The following PPIH variants were observed in gnomAD, a reference collection of about 807,000 sequenced individuals.
PPIH encodes the protein peptidylprolyl isomerase H, also known as peptidyl-prolyl cis-trans isomerase H.
PPIH carries 16 observed loss-of-function variants against 27.6 expected under a neutral mutation model. That is an observed-to-expected ratio of 0.58 (90% CI 0.39 to 0.88). The LOEUF (loss-of-function observed/expected upper bound fraction) is 0.88. PPIH is among the 40% of genes least tolerant of loss of function. The pLI is 0.00. For missense variants in PPIH, 155 were observed against 224.1 expected (o/e 0.69, Z 1.97); for synonymous variants, 63 against 76.1 (o/e 0.83, Z 0.90).
intron 9 of PPIH, among the ~76,000 whole-genome samples, chr1:42,673,866 A>G (rs2148726966): frequency 6.6e-6 from 1 of 152,374 alleles, no homozygotes; most frequent in Non-Finnish European, 1.5e-5. Context: ...CCTGTGGATG[A>G]TAGATATTGT....
chr1:42,674,988 T>C (rs1039187149), intron 9 of PPIH, among the ~76,000 whole-genome samples: 9 of 152,232 alleles, frequency 5.9e-5, no homozygotes, highest in Non-Finnish European at 1.3e-4. Flanking sequence ...TGGAATACTA[T>C]ACAGCCTTAA....
At chr1:42,672,804 G>A (rs1273546129) in intron 9 of PPIH, among the ~76,000 whole-genome samples, 1 of 151,750 alleles carries the variant, frequency 6.6e-6, no homozygotes, top group Non-Finnish European at 1.5e-5. Context: ...GCTCCACCAC[G>A]TCTGGCTAAT....
Position 42,666,087 on chromosome 1 carries a change from C to G in PPIH, c.424+20C>G, listed in dbSNP as rs755196999. 3.7e-6 allele frequency: 6 copies of G among 1,609,230 alleles called. No individual in the cohort carries two copies. The highest frequency in any genetic ancestry group is 2.2e-5 in the East Asian group (1 of 44,848). ...TGTTTGGTAAGTCCTACTCCTGTCT[C>G]ATGGTCCAGGCCCCATTCACCCTGG... On this transcript the variant is annotated intron_variant, in intron 7 of 9. Coordinates refer to ENST00000304979, the MANE Select transcript of PPIH (RefSeq NM_006347.4).
chr1:42,659,104 T>C (rs1318109063), intron 2 of PPIH, 124 bp from the exon 3 acceptor site: 9 of 1,475,502 alleles, frequency 6.1e-6, no homozygotes, highest in Non-Finnish European at 2.8e-6. Flanking sequence ...TGACTGCGTG[T>C]CTGGACGTCT....
At position 42,664,929 on chromosome 1, in the gene PPIH, C is replaced by G; in HGVS notation, c.310C>G (p.His104Asp). The G allele has an allele frequency of 6.2e-7, 1 of 1,613,934 alleles. No individual in the cohort carries two copies. The highest frequency in any genetic ancestry group is 8.5e-7 in the Non-Finnish European group (1 of 1,179,914). The change falls in exon 6 of 10, where the codon CAC becomes GAC. Residue 104 changes from histidine to aspartate, a missense_variant. Coordinates refer to ENST00000304979, the MANE Select transcript of PPIH (RefSeq NM_006347.4). ...PFADENFKLR[H>D]SAPGLLSMAN... ...TGCAGATGAAAATTTTAAACTTAGA[C>G]ACTCAGCTCCAGGCCTGCTTTCCAT...
At chr1:42,680,686 G>A (rs1424180073), downstream of PPIH, among the ~76,000 whole-genome samples, 1 of 152,044 alleles carries the variant, frequency 6.6e-6, no homozygotes, top group Non-Finnish European at 1.5e-5. Context: ...CTATGCTAGG[G>A]GTCAGCCGAC....
chr1:42,670,534 C>G (rs990791994), intron 9 of PPIH, among the ~76,000 whole-genome samples: 1 of 152,030 alleles, frequency 6.6e-6, no homozygotes, highest in Non-Finnish European at 1.5e-5. Flanking sequence ...CGCTCTCCCC[C>G]ACTGTTAGCA....
chr1:42,658,520 C>T lies in PPIH; in HGVS notation c.66+8C>T, dbSNP rs1304729037. 3 of 1,613,084 alleles carry T rather than the reference C, an allele frequency of 1.9e-6. No individual in the cohort carries two copies. Among genetic ancestry groups the T allele is most frequent in the Non-Finnish European group, 1.7e-6 (2 of 1,179,054 alleles). On this transcript the variant is annotated splice_region_variant and intron_variant, in intron 1 of 9. Transcript: ENST00000304979. ...GTCAGTATTGGCGGTCAGGTGAGATCCAGGAGGCTGCCCACACCTGCGCCG... is the reference window on the plus strand; with the variant it reads ...GTCAGTATTGGCGGTCAGGTGAGATTCAGGAGGCTGCCCACACCTGCGCCG...
intron 9 of PPIH, among the ~76,000 whole-genome samples, chr1:42,671,885 CTTTT>C (rs373111692): frequency 7.1e-6 from 1 of 140,278 alleles, no homozygotes. Flanking sequence ...TTCTTTCTTT[CTTTT>C]TTTTTTTTTT....
chr1:42,658,653 G>A (rs773944786), intron 1 of PPIH, 141 bp downstream of exon 1: 7 of 1,162,364 alleles, frequency 6.0e-6, no homozygotes, highest in Non-Finnish European at 8.7e-6. Flanking sequence ...CTGCCGGGCG[G>A]GGGGAAAGGA....
chr1:42,664,396 C>G (rs779626158), intron 5 of PPIH, among the ~76,000 whole-genome samples: 31 of 152,158 alleles, frequency 2.0e-4, no homozygotes, highest in Non-Finnish European at 4.1e-4. Context: ...TTCCCTAGAT[C>G]AATCAACTAT....
downstream of PPIH, among the ~76,000 whole-genome samples, chr1:42,678,204 C>T (rs1478861131): frequency 5.9e-5 from 9 of 152,078 alleles, no homozygotes; most frequent in Admixed American, 2.6e-4. Context: ...AGCTGTGATC[C>T]GGAGTTGACA....
At chr1:42,658,810 A>G in intron 1 of PPIH, 34 bp from the exon 2 acceptor site, 1 of 1,612,224 alleles carries the variant, frequency 6.2e-7, no homozygotes, top group South Asian at 1.1e-5. Context: ...ATGGTCTTGG[A>G]CTGGGCCTTC....
At chr1:42,669,484 A>T (rs1351658315) in intron 9 of PPIH, among the ~76,000 whole-genome samples, 1 of 152,134 alleles carries the variant, frequency 6.6e-6, no homozygotes. Context: ...CTTGGTAGAG[A>T]TGGGGTTTCA....
At chr1:42,658,593 C>T in intron 1 of PPIH, 81 bp downstream of exon 1, 2 of 1,466,020 alleles carry the variant, frequency 1.4e-6, no homozygotes, top group Non-Finnish European at 1.9e-6. Context: ...CCAGAGAGAG[C>T]GGACTCGGGA....
At chr1:42,680,612 G>C (rs145040446), downstream of PPIH, among the ~76,000 whole-genome samples, 1 of 152,320 alleles carries the variant, frequency 6.6e-6, no homozygotes, top group East Asian at 1.9e-4. Flanking sequence ...TCTGGCTGTT[G>C]TGGTGGGTAA....
At chr1:42,677,219 A>G (rs1649917926), downstream of PPIH, among the ~76,000 whole-genome samples, 1 of 152,206 alleles carries the variant, frequency 6.6e-6, no homozygotes, top group African/African-American at 2.4e-5. Context: ...CACACCTGTA[A>G]TCCCAGCACT....
intron 9 of PPIH, among the ~76,000 whole-genome samples, chr1:42,676,144 CT>C (rs1171436692): frequency 2.0e-5 from 3 of 152,140 alleles, no homozygotes; most frequent in Admixed American, 2.0e-4. Flanking sequence ...CTGTTCTACC[CT>C]TTTGGGAAAA....
At chr1:42,662,855 A>G (rs531323663) in intron 5 of PPIH, among the ~76,000 whole-genome samples, 1 of 152,194 alleles carries the variant, frequency 6.6e-6, no homozygotes, top group Non-Finnish European at 1.5e-5. Flanking sequence ...TTTTTAACAG[A>G]CTTAAAATAA....
Sources: allele counts gnomAD v4.1 joint callset (sites outside exome capture counted in the v4.1 genomes callset), GRCh38; gene constraint gnomAD v4.1.1; transcripts MANE v1.5; gene names NCBI Gene and HGNC (gene_info 2026-07-23, HGNC 2026-07-21).